ZFHX3: variants seen among roughly 807,000 people sequenced by gnomAD.
ZFHX3 encodes the protein zinc finger homeobox protein 3.
A neutral mutation model predicts 279.1 loss-of-function variants in ZFHX3; 42 were observed. That is an observed-to-expected ratio of 0.15 (90% confidence interval 0.12 to 0.19). ZFHX3 has a LOEUF of 0.19. Ranked by LOEUF, ZFHX3 falls within the 10% of genes least tolerant of loss-of-function variation. The probability of loss-of-function intolerance (pLI) is 1.00; values close to 1 mark genes in which losing one functional copy is unlikely to be tolerated. For synonymous variants in ZFHX3, 2,293 were observed against 1,957.8 expected (o/e 1.17, Z -4.52); for missense variants, 4,981 against 4,754.0 (o/e 1.05, Z -1.40).
chr16:73,711,898 GC>G (rs1194328714), intron 1 of ZFHX3, among the ~76,000 whole-genome samples: 1 of 152,148 alleles, frequency 6.6e-6, no homozygotes, highest in Non-Finnish European at 1.5e-5. Flanking sequence ...GGGCCCTCCA[GC>G]CCCACCTACA....
intron 4 of ZFHX3, among the ~76,000 whole-genome samples, chr16:73,313,293 T>A (rs528703954): frequency 6.6e-6 from 1 of 152,202 alleles, no homozygotes; most frequent in Admixed American, 6.5e-5. Context: ...TTTTTCCTTA[T>A]AAATTACTTA....
chr16:73,361,160 G>A (rs982034926), intron 3 of ZFHX3, among the ~76,000 whole-genome samples: 10 of 152,186 alleles, frequency 6.6e-5, no homozygotes, highest in East Asian at 1.9e-4. Flanking sequence ...AAAGGACTCC[G>A]GTAGGCTGGC....
intron 5 of ZFHX3, among the ~76,000 whole-genome samples, chr16:73,210,112 T>A (rs571590621): frequency 1.3e-5 from 2 of 152,274 alleles, no homozygotes; most frequent in Admixed American, 6.5e-5. Flanking sequence ...CATGCTGAAG[T>A]TCCCAGGTCA....
chr16:72,795,437 T>C lies in ZFHX3; in HGVS notation c.7245A>G (p.Glu2415=). Residue 2415 remains glutamate, a synonymous_variant, in exon 9 of 10, where the codon GAA becomes GAG. Transcript: ENST00000268489. ...CTGTTTTTGAATTGAAGGTGGCCAG[T>C]TCCTCAGCCTCCGCTGTAAGCTGCA... ...AFLQLTAEAE[E]LATFNSKTEA... 6.2e-7 allele frequency: 1 copy of C among 1,614,096 alleles called. No individual in the cohort carries two copies. Among genetic ancestry groups the C allele is most frequent in the South Asian group, 1.1e-5 (1 of 91,060 alleles).
chr16:73,738,398 C>T (rs564287860), intron 1 of ZFHX3, among the ~76,000 whole-genome samples: 1 of 152,246 alleles, frequency 6.6e-6, no homozygotes, highest in African/African-American at 2.4e-5. Context: ...AAGCCTGACA[C>T]TGAAGGATCA....
intron 8 of ZFHX3, among the ~76,000 whole-genome samples, chr16:73,077,850 G>A (rs1314888018): frequency 1.3e-5 from 2 of 152,108 alleles, no homozygotes; most frequent in African/African-American, 4.8e-5. Flanking sequence ...TTGCTCCCAG[G>A]CTGAAGTGCA....
At chr16:73,333,371 TAGAC>T (rs1346071641) in intron 3 of ZFHX3, among the ~76,000 whole-genome samples, 8 of 152,026 alleles carry the variant, frequency 5.3e-5, no homozygotes, top group East Asian at 3.9e-4. Context: ...AGACACATAA[TAGAC>T]AGAAAGATAC....
intron 1 of ZFHX3, among the ~76,000 whole-genome samples, chr16:72,982,762 T>A (rs1395909830): frequency 6.6e-6 from 1 of 152,160 alleles, no homozygotes; most frequent in Non-Finnish European, 1.5e-5. Context: ...AAGTTTAAGA[T>A]CTGAGGAGTA....
intron 4 of ZFHX3, among the ~76,000 whole-genome samples, chr16:72,876,404 G>A (rs1166346069): frequency 6.6e-6 from 1 of 152,140 alleles, no homozygotes; most frequent in African/African-American, 2.4e-5. Context: ...TGGACAGGAA[G>A]CTTGCAAGAT....
intron 2 of ZFHX3, among the ~76,000 whole-genome samples, chr16:73,615,699 G>A (rs1419978559): frequency 3.3e-5 from 5 of 152,178 alleles, no homozygotes; most frequent in Non-Finnish European, 5.9e-5. Context: ...CAGGATCTCT[G>A]CTATATTTGC....
intron 2 of ZFHX3, among the ~76,000 whole-genome samples, chr16:73,673,633 C>T (rs1448189625): frequency 6.6e-6 from 1 of 152,050 alleles, no homozygotes; most frequent in African/African-American, 2.4e-5. Flanking sequence ...GAGTTACCTG[C>T]CATCCATTCA....
intron 4 of ZFHX3, among the ~76,000 whole-genome samples, chr16:73,315,064 C>T (rs553607783): frequency 6.6e-6 from 1 of 152,094 alleles, no homozygotes; most frequent in East Asian, 1.9e-4. Flanking sequence ...CCTGTCTCTA[C>T]TAAAAATACA....
At chr16:73,526,892 C>A (rs1026881102) in intron 2 of ZFHX3, among the ~76,000 whole-genome samples, 1 of 151,420 alleles carries the variant, frequency 6.6e-6, no homozygotes, top group African/African-American at 2.4e-5. Context: ...ATCTAGTATT[C>A]GGTACCTCTT....
chr16:72,890,095 G>A lies in ZFHX3; in HGVS notation c.3217-133C>T, dbSNP rs2038732896. On this transcript the variant is annotated intron_variant, in intron 3 of 9. Coordinates refer to ENST00000268489, the MANE Select transcript of ZFHX3 (RefSeq NM_006885.4). ...CACATCTCCACAGCCAAACAGGACA[G>A]TCTTTGATATGGTTTGGCTGTGTCC... 7.9e-6 allele frequency: 6 copies of A among 757,464 alleles called. No individual in the cohort carries two copies. The South Asian group carries it at 9.2e-5, about 12-fold the overall frequency. The allele number at this position is 757,464 out of a possible 1,614,324, so 46.9% of individuals were successfully genotyped here. A position where few individuals can be genotyped will look rare whatever the true frequency, so the allele number is the denominator to read the frequency against.
Position 73,358,507 on chromosome 16 carries a change from G to A in ZFHX3, c.-1290-40171C>T, listed in dbSNP as rs563966684. 6.9e-4 allele frequency among the ~76,000 whole-genome samples: 105 copies of A among 152,324 alleles called. No homozygotes were observed. The Middle Eastern group carries it at 0.01, about 15-fold the overall frequency. ...TCCCCATTCAAACCTTGAGATGATG[G>A]CGGCCCTGGCTGACACCAAATGTAA... On this transcript the variant is annotated intron_variant, in intron 3 of 17. Transcript: ENST00000641206.
At chr16:73,282,322 CT>C (rs1388867732) in intron 4 of ZFHX3, among the ~76,000 whole-genome samples, 2 of 152,164 alleles carry the variant, frequency 1.3e-5, no homozygotes, top group East Asian at 1.9e-4. Flanking sequence ...AACAATTTTT[CT>C]TTGTTTTCAA....
intron 1 of ZFHX3, among the ~76,000 whole-genome samples, chr16:73,843,200 T>C (rs1415969662): frequency 1.3e-5 from 2 of 152,246 alleles, no homozygotes; most frequent in African/African-American, 4.8e-5. Context: ...AATTTGAATA[T>C]GGCAGTTAGT....
chr16:73,160,832 A>C (rs1967216737), intron 5 of ZFHX3, among the ~76,000 whole-genome samples: 1 of 146,652 alleles, frequency 6.8e-6, no homozygotes, highest in Non-Finnish European at 1.5e-5. Flanking sequence ...CTTTAGAGGT[A>C]CATAATATAT....
intron 4 of ZFHX3, among the ~76,000 whole-genome samples, chr16:72,879,671 C>T (rs1182024998): frequency 6.6e-6 from 1 of 152,204 alleles, no homozygotes. Context: ...AGTGATCCGC[C>T]CGCCTCGGCC....
Sources: allele counts gnomAD v4.1 joint callset (sites outside exome capture counted in the v4.1 genomes callset), GRCh38; gene constraint gnomAD v4.1.1; transcripts MANE v1.5; gene names NCBI Gene and HGNC (gene_info 2026-07-23, HGNC 2026-07-21).